Variants in EVC2 observed in about 807,000 individuals in gnomAD.
The protein encoded by EVC2 is EvC ciliary complex subunit 2.
EVC2 carries 148 observed loss-of-function variants against 149.3 expected under a neutral mutation model. The observed-to-expected ratio is 0.99, with a 90% confidence interval of 0.87 to 1.14. The LOEUF is 1.14. EVC2 is among the 50% of genes most tolerant of loss of function. The pLI, the probability that EVC2 is intolerant of heterozygous loss-of-function variation, is 0.00. For synonymous variants in EVC2, 776 were observed against 649.9 expected (o/e 1.19, Z -2.95); for missense variants, 1,854 against 1,627.3 (o/e 1.14, Z -2.40).
At chr4:5,537,010 C>T in the EVC2 span, among the ~76,000 whole-genome samples, 1 of 152,068 alleles carries the variant, frequency 6.6e-6, no homozygotes, top group Non-Finnish European at 1.5e-5. Flanking sequence ...TAATAAGGAC[C>T]GGATTTATCT....
chr4:5,585,157 G>A (rs960254924), intron 16 of EVC2, among the ~76,000 whole-genome samples: 1 of 152,126 alleles, frequency 6.6e-6, no homozygotes, highest in African/African-American at 2.4e-5. Flanking sequence ...GAGGATGGAA[G>A]TTCAACTCCT....
chr4:5,598,622 G>A (rs1713676650), intron 16 of EVC2, among the ~76,000 whole-genome samples: 1 of 152,112 alleles, frequency 6.6e-6, no homozygotes, highest in Non-Finnish European at 1.5e-5. Context: ...AACCCTAGAA[G>A]AAAACCTAGG....
Position 5,576,197 on chromosome 4 carries a change from C to A in EVC2, c.3272+43G>T. On this transcript the variant is annotated intron_variant, in intron 18 of 21. Transcript: ENST00000344408. The surrounding 1 kb of genome is among the most constrained non-coding windows in gnomAD (Gnocchi z 4.5). ...GGAGATGCCAGGTTCTCCAGGACTG[C>A]TGGGGACTAATATCTTTGAGTGCTA... The A allele has an allele frequency of 6.2e-7, 1 of 1,613,926 alleles. No individual in the cohort carries two copies. The highest frequency in any genetic ancestry group is 8.5e-7 in the Non-Finnish European group (1 of 1,180,042).
chr4:5,665,656 A>G lies in EVC2; in HGVS notation c.871-7T>C. 4 of 1,613,976 alleles carry G rather than the reference A, an allele frequency of 2.5e-6. No homozygotes were observed. Among genetic ancestry groups the G allele is most frequent in the Non-Finnish European group, 3.4e-6 (4 of 1,179,978 alleles). Reference sequence around the variant, plus strand: ...GGCCGTGGTGCGGCAGAACCTGTGGAGACAAGAGGAGAGCAGGATTCATGT... The same window carrying G: ...GGCCGTGGTGCGGCAGAACCTGTGGGGACAAGAGGAGAGCAGGATTCATGT... On this transcript the variant is annotated splice_polypyrimidine_tract_variant and splice_region_variant and intron_variant, in intron 7 of 21. Transcript: ENST00000344408.
At chr4:5,692,763 A>T (rs1721201148) in intron 3 of EVC2, among the ~76,000 whole-genome samples, 1 of 148,412 alleles carries the variant, frequency 6.7e-6, no homozygotes. Flanking sequence ...GCTACTCGGG[A>T]GGCTGAGGCA....
rs957865095 is a variant in EVC2 at position 5,614,133 on chromosome 4, C to T, written c.2829+1289G>A. On this transcript the variant is annotated intron_variant, in intron 16 of 21. Transcript: ENST00000344408. This position sits in a 1 kb window ranked among gnomAD's most constrained non-coding sequence, Gnocchi z 4.7. ...CAGACAGACACTCAGGCTGCGGTCA[C>T]ACAGCGTCTACTCTTAAGCAGCACC... 5.3e-5 allele frequency among the ~76,000 whole-genome samples: 8 copies of T among 152,188 alleles called. No individual in the cohort carries two copies. The highest frequency in any genetic ancestry group is 1.0e-4 in the Non-Finnish European group (7 of 68,030).
intron 9 of EVC2, among the ~76,000 whole-genome samples, chr4:5,647,690 A>C: frequency 6.6e-6 from 1 of 152,222 alleles, no homozygotes; most frequent in East Asian, 1.9e-4. Context: ...TCTTAAACGA[A>C]GCCTTATGTG....
At chr4:5,599,553 A>G (rs1299574669) in intron 16 of EVC2, among the ~76,000 whole-genome samples, 2 of 152,004 alleles carry the variant, frequency 1.3e-5, no homozygotes, top group African/African-American at 4.8e-5. Context: ...GGGGAACATC[A>G]CACTCTGGGG....
At chr4:5,701,803 G>A (rs1228338577) in intron 1 of EVC2, among the ~76,000 whole-genome samples, 2 of 152,126 alleles carry the variant, frequency 1.3e-5, no homozygotes, top group African/African-American at 4.8e-5. Context: ...ATTGGCTCAG[G>A]CCAAAATCCT....
At chr4:5,658,815 G>A (rs577091886) in intron 9 of EVC2, among the ~76,000 whole-genome samples, 4 of 152,198 alleles carry the variant, frequency 2.6e-5, no homozygotes, top group Non-Finnish European at 5.9e-5. Flanking sequence ...AATTAAATAA[G>A]ATCGCAGGCG....
chr4:5,599,586 G>T (rs1247369954), intron 16 of EVC2, among the ~76,000 whole-genome samples: 7 of 152,276 alleles, frequency 4.6e-5, no homozygotes, highest in Non-Finnish European at 8.8e-5. Context: ...TGGGCAGAGG[G>T]GGGAGGGATA....
intron 20 of EVC2, among the ~76,000 whole-genome samples, chr4:5,566,129 C>T (rs1427272990): frequency 6.6e-6 from 1 of 152,234 alleles, no homozygotes; most frequent in Non-Finnish European, 1.5e-5. Flanking sequence ...AAAGTACAGG[C>T]GAAGCCTGGA....
intron 11 of EVC2, 121 bp from the exon 12 acceptor site, chr4:5,628,855 G>C: frequency 9.6e-7 from 1 of 1,044,386 alleles, no homozygotes; most frequent in Non-Finnish European, 1.4e-6. Flanking sequence ...AGAAACATGA[G>C]AATTAACACC....
At chr4:5,580,901 C>T (rs917857105) in intron 17 of EVC2, among the ~76,000 whole-genome samples, 26 of 152,132 alleles carry the variant, frequency 1.7e-4, no homozygotes, top group African/African-American at 6.0e-4. Flanking sequence ...AGTGCCATCC[C>T]TTTGGTGTTG....
intron 6 of EVC2, 22 bp from the exon 7 acceptor site, chr4:5,681,335 C>T: frequency 6.2e-7 from 1 of 1,614,050 alleles, no homozygotes; most frequent in Non-Finnish European, 8.5e-7. Context: ...AAAAAGAAAA[C>T]ACTTTCAGCA....
In EVC2 at chr4:5,665,593, G is replaced by C. The variant is rs2108900060; in HGVS notation, c.927C>G (p.Ser309=). 5 of 1,614,230 alleles carry C rather than the reference G, an allele frequency of 3.1e-6. No homozygotes were observed. The highest frequency in any genetic ancestry group is 1.7e-5 in the Admixed American group (1 of 60,028). Reference sequence around the variant, plus strand: ...AGAGGGCAGCCCAGGTCAGCACAAGGGAGAGGAGGAAGGCAATGAAGAACC... The same window carrying C: ...AGAGGGCAGCCCAGGTCAGCACAAGCGAGAGGAGGAAGGCAATGAAGAACC... ...AAGFFIAFLL[S]LVLTWAALFL... is the part of the protein sequence containing the mutation. The change falls in exon 8 of 22, where the codon TCC becomes TCG. Residue 309 remains serine, a synonymous_variant. Transcript: ENST00000344408.
In EVC2 at chr4:5,645,294, G is replaced by A. The variant is rs370726763; in HGVS notation, c.1146-4456C>T. Among the ~76,000 whole-genome samples the A allele has an allele frequency of 4.7e-5, 7 of 147,494 alleles. No individual in the cohort carries two copies. In the East Asian group the frequency reaches 5.9e-4, roughly 12 times the overall value. On this transcript the variant is annotated intron_variant, in intron 9 of 21. Coordinates refer to ENST00000344408, the MANE Select transcript of EVC2 (RefSeq NM_147127.5). ...AACTTTTAAGTTCAGGGGTATATGT[G>A]TAGGTTTTTTATACAGGTAAACTTG...
At chr4:5,690,410 T>C (rs13147845) in intron 4 of EVC2, among the ~76,000 whole-genome samples, 1 of 151,548 alleles carries the variant, frequency 6.6e-6, no homozygotes, top group Non-Finnish European at 1.5e-5. Context: ...TTGTTGTTTT[T>C]TTTTTTTTTT....
chr4:5,647,842 T>C (rs915064982), intron 9 of EVC2, among the ~76,000 whole-genome samples: 4 of 152,016 alleles, frequency 2.6e-5, no homozygotes, highest in Admixed American at 2.0e-4. Context: ...CCTTTTAAAA[T>C]AGGAAAACAG....
Sources: allele counts gnomAD v4.1 joint callset (sites outside exome capture counted in the v4.1 genomes callset), GRCh38; gene constraint gnomAD v4.1.1; non-coding constraint Gnocchi (gnomAD v3.1); transcripts MANE v1.5; gene names NCBI Gene and HGNC (gene_info 2026-07-23, HGNC 2026-07-21).